The following PI4KA variants were observed in gnomAD, a reference collection of about 807,000 sequenced individuals.
The protein encoded by PI4KA is PI4-kinase alpha.
PI4KA carries 122 observed loss-of-function variants against 271.4 expected under a neutral mutation model. The observed-to-expected ratio is 0.45, with a 90% CI of 0.39 to 0.52. The LOEUF (loss-of-function observed/expected upper bound fraction) is 0.52, where lower values mean the gene tolerates loss of function less well. PI4KA is among the 20% of genes least tolerant of loss of function. The probability of loss-of-function intolerance (pLI) is 0.00; values close to 1 mark genes in which losing one functional copy is unlikely to be tolerated. For synonymous variants in PI4KA, 1,041 were observed against 1,078.8 expected (o/e 0.96, Z 0.69); for missense variants, 1,969 against 2,769.1 (o/e 0.71, Z 6.48).
intron 42 of PI4KA, among the ~76,000 whole-genome samples, chr22:20,722,684 T>C (rs1204798066): frequency 3.3e-5 from 5 of 152,204 alleles, no homozygotes; most frequent in African/African-American, 1.2e-4. Context: ...TTCCATGCCC[T>C]AGGTTTAAAA....
intron 47 of PI4KA, 139 bp downstream of exon 47, chr22:20,714,319 C>G: frequency 1.3e-6 from 2 of 1,490,090 alleles, no homozygotes; most frequent in Non-Finnish European, 1.8e-6. Context: ...AATGAGGGAT[C>G]TGACTGAGTG....
intron 22 of PI4KA, 86 bp downstream of exon 22, chr22:20,764,731 A>T: frequency 1.4e-6 from 2 of 1,390,988 alleles, no homozygotes; most frequent in Non-Finnish European, 1.9e-6. Context: ...AGAAGTTGAA[A>T]AAAGTCTCAT....
intron 1 of PI4KA, among the ~76,000 whole-genome samples, chr22:20,847,308 G>T (rs165759): frequency 0.5 from 75,454 of 151,816 alleles, 19,315 homozygotes; most frequent in African/African-American, 0.6. Flanking sequence ...AAATAAAAAT[G>T]TAAAAAGAAA....
intron 9 of PI4KA, among the ~76,000 whole-genome samples, chr22:20,810,048 G>A (rs916185767): frequency 1.3e-5 from 2 of 152,110 alleles, no homozygotes; most frequent in Non-Finnish European, 2.9e-5. Flanking sequence ...TCTGGGTCAG[G>A]GACATACCCA....
intron 19 of PI4KA, chr22:20,779,675 C>T (rs769432672): frequency 1.2e-6 from 2 of 1,614,154 alleles, no homozygotes; most frequent in East Asian, 2.2e-5. Flanking sequence ...ATGGCAAGAG[C>T]CGGATCCAGC....
chr22:20,808,147 G>A (rs1329059907), intron 9 of PI4KA, among the ~76,000 whole-genome samples: 1 of 151,736 alleles, frequency 6.6e-6, no homozygotes, highest in African/African-American at 2.4e-5. Context: ...AAAATTAGCT[G>A]GGCGTGGTGG....
intron 42 of PI4KA, 43 bp downstream of exon 42, chr22:20,726,445 C>T (rs758228162): frequency 6.6e-7 from 1 of 1,505,076 alleles, no homozygotes. Flanking sequence ...GTGTGGAACA[C>T]ACTCTGTGAG....
intron 1 of PI4KA, among the ~76,000 whole-genome samples, chr22:20,844,466 A>C (rs1022187784): frequency 2.0e-5 from 3 of 152,222 alleles, no homozygotes; most frequent in African/African-American, 7.2e-5. Flanking sequence ...CTCTCAAATG[A>C]AGTAATATAT....
chr22:20,796,018 A>C, intron 18 of PI4KA, 128 bp downstream of exon 18: 1 of 859,966 alleles, frequency 1.2e-6, no homozygotes, highest in Non-Finnish European at 1.8e-6. Flanking sequence ...TCTTACTTGC[A>C]TTCCAGGCAC....
At position 20,811,094 on chromosome 22, in the gene PI4KA, C is replaced by T. The variant is rs531616958; in HGVS notation, c.1006-62G>A. 31 of 1,259,218 alleles carry T rather than the reference C, an allele frequency of 2.5e-5. 1 individual carries two copies. The South Asian group carries it at 3.5e-4, about 14-fold the overall frequency. 78.0% of individuals were successfully genotyped at this position (1,259,218 alleles called of 1,614,324 possible). A position where few individuals can be genotyped will look rare whatever the true frequency, so the allele number is the denominator to read the frequency against. On this transcript the variant is annotated intron_variant, in intron 8 of 54. Transcript: ENST00000255882. ...TACACAGAGACAGGAATGCTAGCTCCTTCTACCGAAAACCCATGACAAACT... is the reference window on the plus strand; with the variant it reads ...TACACAGAGACAGGAATGCTAGCTCTTTCTACCGAAAACCCATGACAAACT...
At chr22:20,815,730 G>A (rs572864492) in intron 7 of PI4KA, among the ~76,000 whole-genome samples, 31 of 152,196 alleles carry the variant, frequency 2.0e-4, no homozygotes, top group Admixed American at 1.1e-3. Context: ...AGGAAAGAAG[G>A]GAGGGAGAAA....
chr22:20,739,279 G>GAGTTTGC (rs1929115830), intron 32 of PI4KA, among the ~76,000 whole-genome samples: 1 of 150,692 alleles, frequency 6.6e-6, no homozygotes, highest in African/African-American at 2.4e-5. Flanking sequence ...CCGGGAGGCG[G>GAGTTTGC]AGTGAGCCAA....
chr22:20,858,706 C>CTCCCT lies in PI4KA; in HGVS notation c.19_20insAGGGA (p.Arg7GlnfsTer66). 6.9e-7 allele frequency: 1 copy of CTCCCT among 1,453,742 alleles called. No individual in the cohort carries two copies. The highest frequency in any genetic ancestry group is 9.0e-7 in the Non-Finnish European group (1 of 1,108,048). The allele number at this position is 1,453,742 out of a possible 1,614,324, so 90.1% of individuals were successfully genotyped here. ...GCCTCCGCCTCCGCCTCCGCCTCCC[C>CTCCCT]GGGCCGGGGCCGCCGCCATCACCTC... is the stretch of plus-strand genomic sequence containing the variant. On this transcript the variant is annotated frameshift_variant, in exon 1 of 55. Coordinates refer to ENST00000255882, the MANE Select transcript of PI4KA (RefSeq NM_058004.4). LOFTEE classifies it high-confidence loss of function.
chr22:20,751,028 T>G (rs1218569262), intron 27 of PI4KA, among the ~76,000 whole-genome samples: 1 of 152,108 alleles, frequency 6.6e-6, no homozygotes, highest in African/African-American at 2.4e-5. Context: ...CTTTGGCAGC[T>G]AAACCGAGAA....
At chr22:20,830,765 AT>A (rs1924053527) in intron 3 of PI4KA, among the ~76,000 whole-genome samples, 1 of 151,532 alleles carries the variant, frequency 6.6e-6, no homozygotes, top group African/African-American at 2.4e-5. Context: ...GTGTTTTGTT[AT>A]TGTTGTTGTT....
At chr22:20,776,507 A>T (rs1933292988) in intron 19 of PI4KA, among the ~76,000 whole-genome samples, 1 of 152,142 alleles carries the variant, frequency 6.6e-6, no homozygotes, top group Non-Finnish European at 1.5e-5. Context: ...CTTAGTTGTG[A>T]CTAAAACAAA....
At chr22:20,716,402 C>T (rs923521683) in intron 45 of PI4KA, among the ~76,000 whole-genome samples, 1 of 152,134 alleles carries the variant, frequency 6.6e-6, no homozygotes, top group East Asian at 1.9e-4. Context: ...AATAAGAGGA[C>T]AAGGGAAAGC....
At chr22:20,796,061 C>T in intron 18 of PI4KA, 85 bp downstream of exon 18, 1 of 1,308,564 alleles carries the variant, frequency 7.6e-7, no homozygotes, top group Non-Finnish European at 1.1e-6. Flanking sequence ...GTGCCATATT[C>T]CAACCAAGAT....
chr22:20,783,715 C>T (rs1483403901), intron 19 of PI4KA, among the ~76,000 whole-genome samples: 1 of 152,166 alleles, frequency 6.6e-6, no homozygotes, highest in Non-Finnish European at 1.5e-5. Context: ...GAGTTAGGTG[C>T]CTTACCATGG....
Sources: gnomAD v4.1 joint callset for allele counts (sites outside exome capture counted in the v4.1 genomes callset) on GRCh38, gnomAD v4.1.1 for gene constraint, MANE v1.5 for transcripts, NCBI Gene and HGNC (gene_info 2026-07-23, HGNC 2026-07-21) for gene names.